CACNA2D3: variants seen among roughly 807,000 people sequenced by gnomAD.
The protein encoded by CACNA2D3 is voltage-dependent calcium channel subunit alpha-2/delta-3.
Under a neutral mutation model 160.6 loss-of-function variants are expected in CACNA2D3, and 60 were observed. The observed-to-expected ratio is 0.37, with a 90% CI of 0.30 to 0.46. The LOEUF is 0.46. Ranked by LOEUF, CACNA2D3 falls within the 20% of genes least tolerant of loss-of-function variation. CACNA2D3 has a pLI of 1.00. For missense variants in CACNA2D3, 1,205 were observed against 1,365.0 expected, an observed-to-expected ratio of 0.88 and a Z score of 1.85; for synonymous variants, 558 against 492.9, an observed-to-expected ratio of 1.13 and a Z score of -1.75.
chr3:54,277,122 C>T (rs1449952999), intron 2 of CACNA2D3, among the ~76,000 whole-genome samples: 1 of 152,202 alleles, frequency 6.6e-6, no homozygotes, highest in Non-Finnish European at 1.5e-5. Flanking sequence ...CCAGGGAGGC[C>T]CCCACACGCT....
At chr3:54,361,899 C>T (rs1017800531) in intron 3 of CACNA2D3, among the ~76,000 whole-genome samples, 21 of 152,144 alleles carry the variant, frequency 1.4e-4, no homozygotes, top group African/African-American at 4.6e-4. Flanking sequence ...TATGCATGTG[C>T]GTGTGTGTCT....
intron 33 of CACNA2D3, among the ~76,000 whole-genome samples, chr3:55,008,943 CAAGT>C (rs1703155641): frequency 8.4e-6 from 1 of 119,578 alleles, no homozygotes; most frequent in African/African-American, 2.7e-5. Context: ...TAAACAAGTT[CAAGT>C]CGCAGTATTC....
intron 2 of CACNA2D3, among the ~76,000 whole-genome samples, chr3:54,303,327 A>G (rs924013965): frequency 6.6e-6 from 1 of 152,114 alleles, no homozygotes; most frequent in African/African-American, 2.4e-5. Context: ...CTTTTCTGAC[A>G]GTGTCAGGGC....
chr3:54,704,129 C>T (rs545464852), intron 11 of CACNA2D3, among the ~76,000 whole-genome samples: 10 of 152,292 alleles, frequency 6.6e-5, no homozygotes, highest in Non-Finnish European at 1.5e-4. Flanking sequence ...GCTCAGGGCC[C>T]AGGCTTTGAA....
chr3:54,306,740 G>A (rs995004899), intron 2 of CACNA2D3, among the ~76,000 whole-genome samples: 1 of 152,224 alleles, frequency 6.6e-6, no homozygotes, highest in Non-Finnish European at 1.5e-5. Context: ...GGCTGAGTGT[G>A]TGGTGCCTGG....
At chr3:54,751,676 A>G (rs1177895048) in intron 11 of CACNA2D3, among the ~76,000 whole-genome samples, 1 of 152,132 alleles carries the variant, frequency 6.6e-6, no homozygotes, top group East Asian at 1.9e-4. Flanking sequence ...GACCCATCAG[A>G]CTAGAGGAGC....
chr3:54,272,427 T>G (rs1412558081), intron 2 of CACNA2D3, among the ~76,000 whole-genome samples: 1 of 152,076 alleles, frequency 6.6e-6, no homozygotes, highest in African/African-American at 2.4e-5. Flanking sequence ...CACATGCATG[T>G]CTTTAGCATC....
At chr3:54,993,707 G>A (rs976701297) in intron 31 of CACNA2D3, among the ~76,000 whole-genome samples, 1 of 152,102 alleles carries the variant, frequency 6.6e-6, no homozygotes, top group African/African-American at 2.4e-5. Context: ...CTCTTCCCTT[G>A]TTCTTTGTCT....
intron 34 of CACNA2D3, among the ~76,000 whole-genome samples, chr3:55,015,951 C>T (rs1703318053): frequency 6.6e-6 from 1 of 152,194 alleles, no homozygotes; most frequent in Non-Finnish European, 1.5e-5. Context: ...TTCACCTTAC[C>T]CTCCATCTGA....
At chr3:54,265,594 A>T (rs1176113925) in intron 2 of CACNA2D3, among the ~76,000 whole-genome samples, 1 of 148,586 alleles carries the variant, frequency 6.7e-6, no homozygotes. Context: ...ATATATATAT[A>T]GTGTGTATAT....
intron 8 of CACNA2D3, among the ~76,000 whole-genome samples, chr3:54,574,361 G>A (rs976821441): frequency 6.6e-6 from 1 of 152,062 alleles, no homozygotes; most frequent in African/African-American, 2.4e-5. Context: ...TCGTCTTTCG[G>A]TTTTGCAGGT....
intron 3 of CACNA2D3, among the ~76,000 whole-genome samples, chr3:54,381,582 G>T (rs890725156): frequency 3.3e-5 from 5 of 152,218 alleles, no homozygotes; most frequent in Non-Finnish European, 7.4e-5. Flanking sequence ...ATGACGGAAA[G>T]TTTGACCTCT....
intron 5 of CACNA2D3, among the ~76,000 whole-genome samples, chr3:54,531,854 C>A (rs571982919): frequency 1.3e-5 from 2 of 152,226 alleles, no homozygotes; most frequent in Non-Finnish European, 2.9e-5. Context: ...GTTGTCACTG[C>A]GCTAGTCAGG....
chr3:54,822,824 TTTCTTTCTTTTCTTTC>T (rs1396417192), intron 14 of CACNA2D3, among the ~76,000 whole-genome samples: 1 of 84,782 alleles, frequency 1.2e-5, no homozygotes, highest in Non-Finnish European at 2.3e-5. Flanking sequence ...TCTTTCTTTC[TTTCTTTCTTTTCTTTC>T]TTTCTTTCTT....
intron 3 of CACNA2D3, among the ~76,000 whole-genome samples, chr3:54,382,525 G>A (rs1043405720): frequency 2.6e-5 from 4 of 152,234 alleles, no homozygotes; most frequent in African/African-American, 7.2e-5. Context: ...ACTCACGCCT[G>A]TAATCCCAGC....
chr3:54,871,929 C>A (rs968591596), intron 18 of CACNA2D3, among the ~76,000 whole-genome samples: 2 of 152,216 alleles, frequency 1.3e-5, no homozygotes. Context: ...CAGTGGATGG[C>A]CCCTGACATC....
chr3:54,454,803 G>A (rs954173077), intron 4 of CACNA2D3, among the ~76,000 whole-genome samples: 5 of 151,918 alleles, frequency 3.3e-5, no homozygotes, highest in African/African-American at 1.2e-4. Flanking sequence ...GCTTATATGG[G>A]ATCAACTTTT....
At chr3:54,662,395 C>A (rs1378773810) in intron 11 of CACNA2D3, among the ~76,000 whole-genome samples, 1 of 152,186 alleles carries the variant, frequency 6.6e-6, no homozygotes, top group East Asian at 1.9e-4. Context: ...TCTATTAGGA[C>A]TAGCCACAGT....
intron 4 of CACNA2D3, among the ~76,000 whole-genome samples, chr3:54,457,451 G>A (rs1176361422): frequency 6.6e-6 from 1 of 151,994 alleles, no homozygotes; most frequent in Non-Finnish European, 1.5e-5. Flanking sequence ...TTAAAAACTT[G>A]TTGAGACTTG....
Sources: allele counts gnomAD v4.1 joint callset (sites outside exome capture counted in the v4.1 genomes callset), GRCh38; gene constraint gnomAD v4.1.1; transcripts MANE v1.5; gene names NCBI Gene and HGNC (gene_info 2026-07-23, HGNC 2026-07-21).